TENM3: variants seen among roughly 807,000 people sequenced by gnomAD.
TENM3 encodes the protein teneurin-3.
TENM3 carries 63 observed loss-of-function variants against 255.1 expected under a neutral mutation model. That is an observed-to-expected ratio of 0.25 (90% CI 0.20 to 0.30). The LOEUF (loss-of-function observed/expected upper bound fraction) is 0.30. Among genes scored for constraint, TENM3 ranks in the 10% least tolerant of loss-of-function variants. The pLI is 1.00. For missense variants in TENM3, 2,929 were observed against 3,461.1 expected (o/e 0.85, Z 3.86); for synonymous variants, 1,306 against 1,322.3 (o/e 0.99, Z 0.27).
chr4:181,815,366 G>A, the TENM3 span, among the ~76,000 whole-genome samples: 953 of 148,644 alleles, frequency 6.4e-3, 11 homozygotes, highest in African/African-American at 0.023. Context: ...GGAGGCTGAG[G>A]CAGAAGAATT....
chr4:181,939,229 G>A, the TENM3 span, among the ~76,000 whole-genome samples: 1 of 152,122 alleles, frequency 6.6e-6, no homozygotes, highest in African/African-American at 2.4e-5. Context: ...CTTATACTAA[G>A]ATATGGTTAT....
At chr4:181,605,548 A>T in the TENM3 span, among the ~76,000 whole-genome samples, 1,941 of 31,946 alleles carry the variant, frequency 0.061, 299 homozygotes, top group East Asian at 0.14. Context: ...GAAAGAAAGA[A>T]AGAAAGAAAG....
At chr4:182,313,066 A>G (rs1762545703) in intron 1 of TENM3, among the ~76,000 whole-genome samples, 1 of 152,182 alleles carries the variant, frequency 6.6e-6, no homozygotes, top group Non-Finnish European at 1.5e-5. Flanking sequence ...CATAGAATAT[A>G]TTCTCACTTT....
the TENM3 span, among the ~76,000 whole-genome samples, chr4:181,703,119 C>T: frequency 1.3e-5 from 2 of 152,104 alleles, 1 homozygote; most frequent in Non-Finnish European, 2.9e-5. Context: ...GCTTTCAGAC[C>T]GAAGCAGATC....
chr4:181,641,282 C>A, the TENM3 span, among the ~76,000 whole-genome samples: 7 of 151,268 alleles, frequency 4.6e-5, no homozygotes, highest in Non-Finnish European at 5.9e-5. Context: ...TTTGCTGCAC[C>A]CATCAACCCG....
At chr4:182,240,141 C>T (rs1172442526), upstream of TENM3, among the ~76,000 whole-genome samples, 2 of 152,142 alleles carry the variant, frequency 1.3e-5, no homozygotes, top group Non-Finnish European at 2.9e-5. Flanking sequence ...CTTAATTAAA[C>T]TCATGATTTA....
chr4:181,479,859 A>C, the TENM3 span, among the ~76,000 whole-genome samples: 1 of 152,278 alleles, frequency 6.6e-6, no homozygotes, highest in African/African-American at 2.4e-5. Context: ...ACTTCACTGG[A>C]TAGATGTGAG....
intron 3 of TENM3, among the ~76,000 whole-genome samples, chr4:182,495,615 G>A (rs1271464329): frequency 6.6e-6 from 1 of 152,176 alleles, no homozygotes; most frequent in Non-Finnish European, 1.5e-5. Context: ...ATAGGCTGTT[G>A]TGGTAAGCTA....
the TENM3 span, among the ~76,000 whole-genome samples, chr4:182,087,987 A>G: frequency 6.6e-6 from 1 of 152,184 alleles, no homozygotes; most frequent in Non-Finnish European, 1.5e-5. Flanking sequence ...CGCTACATAA[A>G]TGCTCACTGA....
At chr4:182,779,194 C>CTA (rs1764958557) in intron 24 of TENM3, among the ~76,000 whole-genome samples, 1 of 151,702 alleles carries the variant, frequency 6.6e-6, no homozygotes, top group African/African-American at 2.4e-5. Flanking sequence ...TCTCCCAATG[C>CTA]TATCCCTCCC....
the TENM3 span, among the ~76,000 whole-genome samples, chr4:182,054,862 G>A: frequency 2.0e-5 from 3 of 152,092 alleles, no homozygotes; most frequent in South Asian, 2.1e-4. Context: ...GAGGTCATAG[G>A]AGACTCCTTG....
At chr4:181,453,950 G>A in the TENM3 span, among the ~76,000 whole-genome samples, 1 of 152,012 alleles carries the variant, frequency 6.6e-6, no homozygotes, top group Non-Finnish European at 1.5e-5. Flanking sequence ...ACAATCATGG[G>A]CATGTTCATT....
At chr4:182,610,030 C>A (rs1268743206) in intron 4 of TENM3, among the ~76,000 whole-genome samples, 1 of 152,088 alleles carries the variant, frequency 6.6e-6, no homozygotes, top group African/African-American at 2.4e-5. Context: ...AATTAGGTAG[C>A]TTTTTACCTT....
chr4:182,793,177 C>T lies in TENM3; in HGVS notation c.6505C>T (p.Arg2169Cys), dbSNP rs267600105. The change falls in exon 26 of 28, where the codon CGT (arginine) becomes TGT (cysteine). Residue 2169 changes from arginine (R) to cysteine (C), a missense_variant. By Grantham distance (180) the Arg-to-Cys change is radical. Coordinates refer to ENST00000511685, the MANE Select transcript of TENM3 (RefSeq NM_001080477.4). This position sits in a 1 kb window ranked among gnomAD's most constrained non-coding sequence, Gnocchi z 5.7. ...LHLLNPSNSA[R>C]LTPLRYDLRD... ...TTTACTGAACCCAAGTAACAGTGCG[C>T]GTCTGACACCCCTTCGCTATGACCT... 2 of 1,613,840 alleles carry T rather than the reference C, an allele frequency of 1.2e-6. No homozygotes were observed. The highest frequency in any genetic ancestry group is 1.7e-6 in the Non-Finnish European group (2 of 1,179,890).
the TENM3 span, among the ~76,000 whole-genome samples, chr4:182,100,566 CATATATATACACAT>C: frequency 1.4e-4 from 16 of 114,598 alleles, no homozygotes; most frequent in East Asian, 1.4e-3. Flanking sequence ...TATATACACA[CATATATATACACAT>C]ATATATACAC....
intron 1 of TENM3, among the ~76,000 whole-genome samples, chr4:182,301,966 A>G (rs1761880913): frequency 1.3e-5 from 2 of 152,120 alleles, no homozygotes; most frequent in South Asian, 4.1e-4. Flanking sequence ...CTGGGTTTCC[A>G]TATCATGGGA....
chr4:182,322,613 G>T (rs1050096045), intron 1 of TENM3, among the ~76,000 whole-genome samples: 19 of 152,126 alleles, frequency 1.2e-4, no homozygotes, highest in African/African-American at 4.3e-4. Context: ...GAGAGAGTCA[G>T]CCACAAGGCT....
chr4:182,365,529 T>C (rs1561370191), intron 3 of TENM3, among the ~76,000 whole-genome samples: 1 of 152,202 alleles, frequency 6.6e-6, no homozygotes, highest in Non-Finnish European at 1.5e-5. Context: ...CTGTACACTT[T>C]TTACTACAGA....
chr4:181,790,043 A>C, the TENM3 span, among the ~76,000 whole-genome samples: 3 of 152,196 alleles, frequency 2.0e-5, no homozygotes, highest in African/African-American at 7.2e-5. Context: ...TCAGAAGTGT[A>C]TGTGACAATC....
Sources: allele counts gnomAD v4.1 joint callset (sites outside exome capture counted in the v4.1 genomes callset), GRCh38; gene constraint gnomAD v4.1.1; non-coding constraint Gnocchi (gnomAD v3.1); transcripts MANE v1.5; gene names NCBI Gene and HGNC (gene_info 2026-07-23, HGNC 2026-07-21).